RAMP1: variants seen among roughly 807,000 people sequenced by gnomAD.
RAMP1 encodes receptor activity modifying protein 1.
A neutral mutation model predicts 8.2 loss-of-function variants in RAMP1; 7 were observed. The observed-to-expected ratio is 0.85, with a 90% CI of 0.49 to 1.60. RAMP1 has a LOEUF of 1.60. Ranked by LOEUF, RAMP1 falls within the 40% of genes most tolerant of loss-of-function variation. The pLI is 0.00. For synonymous variants in RAMP1, 92 were observed against 84.7 expected, an observed-to-expected ratio of 1.09 and a Z score of -0.47; for missense variants, 192 against 202.4, an observed-to-expected ratio of 0.95 and a Z score of 0.31.
At chr2:237,882,286 T>G (rs941010203) in intron 2 of RAMP1, among the ~76,000 whole-genome samples, 1 of 152,220 alleles carries the variant, frequency 6.6e-6, no homozygotes. Flanking sequence ...TCTCCAGAAC[T>G]ATCAATGGGT....
intron 2 of RAMP1, among the ~76,000 whole-genome samples, chr2:237,905,529 G>C (rs1021042327): frequency 6.6e-6 from 1 of 152,200 alleles, no homozygotes; most frequent in Admixed American, 6.5e-5. Flanking sequence ...TCCTGCATCC[G>C]CTCCTTCCTG....
In RAMP1 at chr2:237,877,485, C is replaced by T. The variant is rs1298878962; in HGVS notation, c.191+123C>T. The stretch of plus-strand genomic sequence containing the variant: ...TCTAGACCCCGGAAGGGTTCTTCCC[C>T]CAGTGGGGGGGGCCGGGATGAAGAC... On this transcript the variant is annotated intron_variant, in intron 2 of 2. Coordinates refer to ENST00000254661, the MANE Select transcript of RAMP1 (RefSeq NM_005855.4). The surrounding 1 kb of genome is among the most constrained non-coding windows in gnomAD (Gnocchi z 4.4). The T allele has an allele frequency of 1.2e-5, 16 of 1,343,478 alleles. No homozygotes were observed. Among genetic ancestry groups the T allele is most frequent in the Non-Finnish European group, 1.5e-5 (15 of 1,004,374 alleles). 83.2% of individuals were successfully genotyped at this position (1,343,478 alleles called of 1,614,324 possible). A position where few individuals can be genotyped will look rare whatever the true frequency, so the allele number is the denominator to read the frequency against.
rs973434942 is a variant in RAMP1, at chr2:237,862,134, T to C, written c.52+2407T>C. Among the ~76,000 whole-genome samples, 1 of 152,174 alleles carries C rather than the reference T, an allele frequency of 6.6e-6. No homozygotes were observed. Among genetic ancestry groups the C allele is most frequent in the Non-Finnish European group, 1.5e-5 (1 of 68,034 alleles). ...TGTCACGTGGGAGCCAGGGGTTTTTTTAATGGCTGCAACATTAATTGAAAT... is the reference window on the plus strand; with the variant it reads ...TGTCACGTGGGAGCCAGGGGTTTTTCTAATGGCTGCAACATTAATTGAAAT... On this transcript the variant is annotated intron_variant, in intron 1 of 2. Coordinates refer to ENST00000254661, the MANE Select transcript of RAMP1 (RefSeq NM_005855.4). The surrounding 1 kb of genome is among the most constrained non-coding windows in gnomAD (Gnocchi z 4.0).
chr2:237,867,597 G>A (rs1219908552), intron 1 of RAMP1, among the ~76,000 whole-genome samples: 1 of 152,188 alleles, frequency 6.6e-6, no homozygotes, highest in Non-Finnish European at 1.5e-5. Flanking sequence ...CTGCCCAGCT[G>A]GACATTGTCT....
intron 1 of RAMP1, among the ~76,000 whole-genome samples, chr2:237,861,662 A>G (rs1264287908): frequency 2.0e-5 from 3 of 152,134 alleles, no homozygotes; most frequent in Non-Finnish European, 4.4e-5. Context: ...AGCCTGGCCA[A>G]CATGGTGAAA....
chr2:237,897,933 G>A (rs779060332), intron 2 of RAMP1, among the ~76,000 whole-genome samples: 1 of 152,052 alleles, frequency 6.6e-6, no homozygotes, highest in Non-Finnish European at 1.5e-5. Flanking sequence ...TGAGTAGATG[G>A]GACCACAGGC....
intron 1 of RAMP1, chr2:237,869,777 A>T (rs559998810): frequency 6.6e-6 from 1 of 152,180 alleles, no homozygotes; most frequent in Non-Finnish European, 1.5e-5. Context: ...GCATATACCC[A>T]GGGCATATAC....
Position 237,878,281 on chromosome 2 carries a change from G to C in RAMP1, c.191+919G>C, listed in dbSNP as rs1324218723. Reference sequence around the variant, plus strand: ...GAGAGAAAGGGAGCCCTGGGGACTGGTGGGGAGGGCCAGGGGCAGGGAGGA... The same window carrying C: ...GAGAGAAAGGGAGCCCTGGGGACTGCTGGGGAGGGCCAGGGGCAGGGAGGA... On this transcript the variant is annotated intron_variant, in intron 2 of 2. Coordinates refer to ENST00000254661, the MANE Select transcript of RAMP1 (RefSeq NM_005855.4). This position sits in a 1 kb window ranked among gnomAD's most constrained non-coding sequence, Gnocchi z 5.7. 6.6e-6 allele frequency among the ~76,000 whole-genome samples: 1 copy of C among 152,246 alleles called. No homozygotes were observed. The highest frequency in any genetic ancestry group is 1.5e-5 in the Non-Finnish European group (1 of 68,030).
chr2:237,886,421 T>C (rs536110604), intron 2 of RAMP1, among the ~76,000 whole-genome samples: 80 of 152,082 alleles, frequency 5.3e-4, no homozygotes, highest in Non-Finnish European at 7.2e-4. Flanking sequence ...CCCCAGAGGA[T>C]CTGATGACAC....
intron 2 of RAMP1, among the ~76,000 whole-genome samples, chr2:237,909,806 G>A (rs1317541533): frequency 6.6e-6 from 1 of 152,094 alleles, no homozygotes; most frequent in Admixed American, 6.5e-5. Context: ...AGAAACAGAT[G>A]GCGTTTGCTC....
chr2:237,904,173 G>A lies in RAMP1; in HGVS notation c.192-7355G>A, dbSNP rs940823944. ...TCACGCCTGTAATCCCAGCACTTTGGGAGTCTGAGGCGGGCGGATCACGAG... is the reference window on the plus strand; with the variant it reads ...TCACGCCTGTAATCCCAGCACTTTGAGAGTCTGAGGCGGGCGGATCACGAG... On this transcript the variant is annotated intron_variant, in intron 2 of 2. Coordinates refer to ENST00000254661, the MANE Select transcript of RAMP1 (RefSeq NM_005855.4). Among the ~76,000 whole-genome samples, 18 of 152,290 alleles carry A rather than the reference G, an allele frequency of 1.2e-4. No homozygotes were observed. The South Asian group carries it at 1.5e-3, about 12-fold the overall frequency.
intron 2 of RAMP1, among the ~76,000 whole-genome samples, chr2:237,884,812 C>G (rs546917684): frequency 6.6e-6 from 1 of 152,202 alleles, no homozygotes; most frequent in Non-Finnish European, 1.5e-5. Context: ...TTTGGTTACC[C>G]GAGGCTGTCA....
At position 237,859,668 on chromosome 2, in the gene RAMP1, T is replaced by C; in HGVS notation, c.-8T>C. The C allele has an allele frequency of 6.7e-7, 1 of 1,498,160 alleles. No individual in the cohort carries two copies. Among genetic ancestry groups the C allele is most frequent in the Non-Finnish European group, 8.9e-7 (1 of 1,124,774 alleles). 92.8% of individuals were successfully genotyped at this position (1,498,160 alleles called of 1,614,324 possible). A position where few individuals can be genotyped will look rare whatever the true frequency, so the allele number is the denominator to read the frequency against. ...GCGAGCGGACTCGACTCGGCACCGC[T>C]GTGCACCATGGCCCGGGCCCTGTGC... On this transcript the variant is annotated 5_prime_UTR_variant, in exon 1 of 3. Coordinates refer to ENST00000254661, the MANE Select transcript of RAMP1 (RefSeq NM_005855.4).
chr2:237,909,490 C>T (rs1281532163), intron 2 of RAMP1, among the ~76,000 whole-genome samples: 1 of 152,124 alleles, frequency 6.6e-6, no homozygotes, highest in African/African-American at 2.4e-5. Context: ...CTCTGAGCCC[C>T]ATGAAACGCC....
Position 237,911,702 on chromosome 2 carries a change from C to T in RAMP1, c.366C>T (p.Phe122=). 6.2e-7 allele frequency: 1 copy of T among 1,613,968 alleles called. No individual in the cohort carries two copies. ...RDPPGSILYP[F]IVVPITVTLL... is the part of the protein sequence containing the mutation. The stretch of plus-strand genomic sequence containing the variant: ...CGCCCGGCAGCATCCTCTACCCCTT[C>T]ATCGTGGTCCCCATCACGGTGACCC... The change falls in exon 3 of 3, where the codon TTC becomes TTT. Residue 122 remains phenylalanine (F), a synonymous_variant. Coordinates refer to ENST00000254661, the MANE Select transcript of RAMP1 (RefSeq NM_005855.4).
At chr2:237,871,242 C>G (rs1279127656) in intron 1 of RAMP1, among the ~76,000 whole-genome samples, 2 of 152,218 alleles carry the variant, frequency 1.3e-5, no homozygotes, top group African/African-American at 4.8e-5. Flanking sequence ...CTTCAGCCAG[C>G]TGACCCCTAG....
At chr2:237,883,290 C>A (rs2062390316) in intron 2 of RAMP1, among the ~76,000 whole-genome samples, 2 of 152,188 alleles carry the variant, frequency 1.3e-5, no homozygotes, top group Admixed American at 1.3e-4. Flanking sequence ...TCTCATTTAA[C>A]AACAGCTGCG....
intron 2 of RAMP1, among the ~76,000 whole-genome samples, chr2:237,879,439 A>T (rs1488000017): frequency 4.0e-5 from 6 of 151,784 alleles, no homozygotes; most frequent in Non-Finnish European, 8.8e-5. Context: ...CCGAGTGGCC[A>T]TAGCTGGAAC....
At chr2:237,901,263 C>T (rs1483819150) in intron 2 of RAMP1, among the ~76,000 whole-genome samples, 1 of 152,244 alleles carries the variant, frequency 6.6e-6, no homozygotes, top group African/African-American at 2.4e-5. Flanking sequence ...GCCACTGTGA[C>T]CAGAGTAAGG....
Sources: allele counts gnomAD v4.1 joint callset (sites outside exome capture counted in the v4.1 genomes callset), GRCh38; gene constraint gnomAD v4.1.1; non-coding constraint Gnocchi (gnomAD v3.1); transcripts MANE v1.5; gene names NCBI Gene and HGNC (gene_info 2026-07-23, HGNC 2026-07-21).